Variants in GLI2 observed in about 807,000 individuals in gnomAD.
GLI2 encodes the protein transcription activator GLI2.
A neutral mutation model predicts 78.9 loss-of-function variants in GLI2; 22 were observed. The observed-to-expected ratio is 0.28, with a 90% CI of 0.20 to 0.40. The LOEUF (loss-of-function observed/expected upper bound fraction) is 0.40, where lower values mean the gene tolerates loss of function less well. Among genes scored for constraint, GLI2 ranks in the 10% least tolerant of loss-of-function variants. The pLI is 1.00. For missense variants in GLI2, 2,097 were observed against 2,213.2 expected (o/e 0.95, Z 1.05); for synonymous variants, 974 against 963.7 (o/e 1.01, Z -0.20).
At chr2:120,937,567 T>TC (rs967679757) in intron 3 of GLI2, among the ~76,000 whole-genome samples, 1 of 151,818 alleles carries the variant, frequency 6.6e-6, no homozygotes, top group East Asian at 1.9e-4. Flanking sequence ...CATGAAGGCC[T>TC]CCCCCCACGT....
chr2:120,924,650 T>A (rs1679572282), intron 2 of GLI2, among the ~76,000 whole-genome samples: 1 of 152,226 alleles, frequency 6.6e-6, no homozygotes, highest in Non-Finnish European at 1.5e-5. Flanking sequence ...TCTACACATT[T>A]GGGAAAGCGA....
intron 2 of GLI2, among the ~76,000 whole-genome samples, chr2:120,841,889 G>GTGTGTGTGTGTGTGTGTGTGTGTGTGT (rs1558827926): frequency 6.7e-6 from 1 of 150,086 alleles, no homozygotes; most frequent in Non-Finnish European, 1.5e-5. Flanking sequence ...GTGTGTGTGT[G>GTGTGTGTGTGTGTGTGTGTGTGTGTGT]ATGCTGGGCT....
chr2:120,910,933 C>T lies in GLI2; in HGVS notation c.149-16428C>T, dbSNP rs190791929. On this transcript the variant is annotated intron_variant, in intron 2 of 13. Coordinates refer to ENST00000361492, the MANE Select transcript of GLI2 (RefSeq NM_001374353.1). ...AAATACCAAGGCTGGCCTTGTGTTT[C>T]CTGGAGTTTGTTGGTGCTCCACCTC... 1.0e-3 allele frequency among the ~76,000 whole-genome samples: 155 copies of T among 152,344 alleles called. No homozygotes were observed. In the Middle Eastern group the frequency reaches 0.01, roughly 10 times the overall value.
rs2104615637 is a variant in GLI2 at position 120,737,161 on chromosome 2, G to C, written c.-31+876G>C. 6.6e-6 allele frequency among the ~76,000 whole-genome samples: 1 copy of C among 152,316 alleles called. No homozygotes were observed. The highest frequency in any genetic ancestry group is 1.5e-5 in the Non-Finnish European group (1 of 68,024). Reference sequence around the variant, plus strand: ...GGGCGCCAATCCTATTAAGGGTTTAGAGAGGGGAGTCTTTTCCCCGGACGG... The same window carrying C: ...GGGCGCCAATCCTATTAAGGGTTTACAGAGGGGAGTCTTTTCCCCGGACGG... On this transcript the variant is annotated intron_variant, in intron 1 of 13. Coordinates refer to ENST00000361492, the MANE Select transcript of GLI2 (RefSeq NM_001374353.1). The surrounding 1 kb of genome is among the most constrained non-coding windows in gnomAD (Gnocchi z 4.3).
At chr2:120,900,868 C>T (rs1176687906) in intron 2 of GLI2, among the ~76,000 whole-genome samples, 3 of 152,148 alleles carry the variant, frequency 2.0e-5, no homozygotes, top group Non-Finnish European at 2.9e-5. Flanking sequence ...TTTCAGAATG[C>T]GGATCCATCA....
intron 1 of GLI2, among the ~76,000 whole-genome samples, chr2:120,766,818 G>A (rs191404399): frequency 1.3e-5 from 2 of 152,320 alleles, no homozygotes; most frequent in Admixed American, 1.3e-4. Flanking sequence ...TATTATGTGA[G>A]TAGATTCTTA....
In GLI2 at chr2:120,974,845, C is replaced by T. The variant is rs569656234; in HGVS notation, c.1183-130C>T. On this transcript the variant is annotated intron_variant, in intron 8 of 13. Coordinates refer to ENST00000361492, the MANE Select transcript of GLI2 (RefSeq NM_001374353.1). ...TGTGTGTGCACACACACCTGTAACA[C>T]ACACACTTGCATCCACACCTGTAAC... The T allele has an allele frequency of 5.6e-6, 7 of 1,253,832 alleles. No individual in the cohort carries two copies. In the African/African-American group the frequency reaches 8.8e-5, roughly 16 times the overall value. 77.7% of individuals were successfully genotyped at this position (1,253,832 alleles called of 1,614,324 possible). A position where few individuals can be genotyped will look rare whatever the true frequency, so the allele number is the denominator to read the frequency against.
rs769530846 is a variant in GLI2 at position 120,989,897 on chromosome 2, T to G, written c.3932T>G (p.Leu1311Arg). The G allele has an allele frequency of 6.2e-7, 1 of 1,612,944 alleles. No individual in the cohort carries two copies. Residue 1311 changes from leucine (L) to arginine (R), a missense_variant, in exon 14 of 14, where the codon CTG (leucine) becomes CGG (arginine). This residue lies in a region of GLI2 where 1,290 missense variants were observed against 1,261.7 expected (regional missense o/e 1.02). Transcript: ENST00000361492. ...AGCTACCCACAGCAGAGCCATCACC[T>G]GGCAGCCTCCATGAGCCAGGAGGGC... ...VQSYPQQSHH[L>R]AASMSQEGYH...
chr2:120,797,440 G>A lies in GLI2; in HGVS notation c.120G>A (p.Ala40=), dbSNP rs202130125. ...CCTCTCCTTTGGTGGTGGCTGCAGC[G>A]GCAGCAGCAGCGGTAGCTGCCCAAG... The part of the protein sequence containing the change: ...KKASPLVVAA[A]AAAAVAAQGV... Residue 40 remains alanine, a synonymous_variant, in exon 2 of 14, where the codon GCG becomes GCA. Coordinates refer to ENST00000361492, the MANE Select transcript of GLI2 (RefSeq NM_001374353.1). 62 of 1,613,700 alleles carry A rather than the reference G, an allele frequency of 3.8e-5. No individual in the cohort carries two copies. The highest frequency in any genetic ancestry group is 4.4e-5 in the South Asian group (4 of 91,066).
intron 2 of GLI2, among the ~76,000 whole-genome samples, chr2:120,816,722 TA>T (rs1323126132): frequency 6.6e-6 from 1 of 152,226 alleles, no homozygotes; most frequent in African/African-American, 2.4e-5. Context: ...GGAAGACAGC[TA>T]AATTCTCATG....
chr2:120,923,325 C>G (rs1468008131), intron 2 of GLI2, among the ~76,000 whole-genome samples: 4 of 150,908 alleles, frequency 2.7e-5, no homozygotes, highest in African/African-American at 7.3e-5. Context: ...ATACAACACA[C>G]ACATGCACAT....
At chr2:120,896,833 G>A (rs1414207303) in intron 2 of GLI2, among the ~76,000 whole-genome samples, 1 of 152,084 alleles carries the variant, frequency 6.6e-6, no homozygotes, top group African/African-American at 2.4e-5. Context: ...TGAGAAGCTC[G>A]TTTATTCATT....
intron 1 of GLI2, among the ~76,000 whole-genome samples, chr2:120,789,266 C>T (rs544528617): frequency 2.6e-5 from 4 of 152,038 alleles, no homozygotes; most frequent in South Asian, 2.1e-4. Context: ...TCAGGTGATC[C>T]GCCCTCCTCA....
At chr2:120,867,765 A>G (rs1446035902) in intron 2 of GLI2, among the ~76,000 whole-genome samples, 1 of 152,132 alleles carries the variant, frequency 6.6e-6, no homozygotes, top group East Asian at 1.9e-4. Context: ...AGTAGGCGCC[A>G]AGGCAGGGAG....
At chr2:120,895,711 AGAACAG>A (rs1677909219) in intron 2 of GLI2, among the ~76,000 whole-genome samples, 1 of 152,174 alleles carries the variant, frequency 6.6e-6, no homozygotes, top group African/African-American at 2.4e-5. Flanking sequence ...ACAAAAAACA[AGAACAG>A]AAACAATAAC....
At chr2:120,826,447 C>T (rs1366170995) in intron 2 of GLI2, among the ~76,000 whole-genome samples, 1 of 152,170 alleles carries the variant, frequency 6.6e-6, no homozygotes, top group Non-Finnish European at 1.5e-5. Flanking sequence ...TGCTGCTGTT[C>T]GATCTGGGAG....
At chr2:120,933,070 C>T (rs1456954270) in intron 3 of GLI2, among the ~76,000 whole-genome samples, 1 of 152,076 alleles carries the variant, frequency 6.6e-6, no homozygotes, top group East Asian at 1.9e-4. Flanking sequence ...AGAGGACCTG[C>T]CAGAGCTGCC....
chr2:120,948,869 G>A (rs1377954361), intron 3 of GLI2, among the ~76,000 whole-genome samples: 2 of 152,138 alleles, frequency 1.3e-5, no homozygotes, highest in Non-Finnish European at 2.9e-5. Context: ...GCAGGCTCTG[G>A]GAACCTGCCG....
chr2:120,854,175 G>A (rs1228567976), intron 2 of GLI2, among the ~76,000 whole-genome samples: 7 of 152,202 alleles, frequency 4.6e-5, no homozygotes, highest in African/African-American at 1.7e-4. Context: ...CAAGGGCAGG[G>A]CCGGGAGTCA....
Sources: gnomAD v4.1 joint callset for allele counts (sites outside exome capture counted in the v4.1 genomes callset) on GRCh38, gnomAD v4.1.1 for gene constraint, gnomAD v4.1.1 regional missense constraint, Gnocchi (gnomAD v3.1) non-coding constraint, MANE v1.5 for transcripts, NCBI Gene and HGNC (gene_info 2026-07-23, HGNC 2026-07-21) for gene names.